The following TEAD1 variants were observed in gnomAD, a reference collection of about 807,000 sequenced individuals.
The protein encoded by TEAD1 is TEA domain transcription factor 1.
In TEAD1, 9 loss-of-function variants were observed where a neutral mutation model predicts 54.9. The observed-to-expected ratio is 0.16, with a 90% confidence interval of 0.10 to 0.29. The LOEUF (loss-of-function observed/expected upper bound fraction) is 0.29, where lower values mean the gene tolerates loss of function less well. TEAD1 is among the 10% of genes least tolerant of loss of function. TEAD1 has a pLI of 1.00. For synonymous variants in TEAD1, 200 were observed against 187.8 expected, an observed-to-expected ratio of 1.07 and a Z score of -0.53; for missense variants, 387 against 535.9, an observed-to-expected ratio of 0.72 and a Z score of 2.74.
Position 12,864,908 on chromosome 11 carries a change from C to T in TEAD1, c.330+8C>T. On this transcript the variant is annotated splice_region_variant and intron_variant, in intron 5 of 12. Coordinates refer to ENST00000527636, the MANE Select transcript of TEAD1 (RefSeq NM_021961.6). The stretch of plus-strand genomic sequence containing the variant: ...TTTCATTCCAAGCTAAAGGTATGCG[C>T]TTTTCTGCTTTTTGGCTTGTGGTTG... 6.2e-7 allele frequency: 1 copy of T among 1,614,100 alleles called. No homozygotes were observed. The highest frequency in any genetic ancestry group is 8.5e-7 in the Non-Finnish European group (1 of 1,180,020).
intron 9 of TEAD1, among the ~76,000 whole-genome samples, chr11:12,892,318 G>A (rs1948212890): frequency 6.6e-6 from 1 of 152,024 alleles, no homozygotes; most frequent in African/African-American, 2.4e-5. Context: ...GCTGTGCATG[G>A]GGGATTAGGT....
At chr11:12,887,346 C>T (rs1173297394) in intron 9 of TEAD1, among the ~76,000 whole-genome samples, 8 of 152,014 alleles carry the variant, frequency 5.3e-5, no homozygotes, top group African/African-American at 1.2e-4. Context: ...CTGCCCGCCT[C>T]GGCCTCCCAA....
At chr11:12,687,566 G>A (rs906311129) in intron 2 of TEAD1, among the ~76,000 whole-genome samples, 10 of 152,154 alleles carry the variant, frequency 6.6e-5, no homozygotes, top group African/African-American at 1.4e-4. Flanking sequence ...TCACCTATCC[G>A]GTTTTCTTGT....
At chr11:12,692,982 A>C (rs901668813) in intron 2 of TEAD1, among the ~76,000 whole-genome samples, 1 of 151,788 alleles carries the variant, frequency 6.6e-6, no homozygotes, top group Admixed American at 6.6e-5. Context: ...GTTGAAACCC[A>C]TAAAGGCTTT....
intron 8 of TEAD1, among the ~76,000 whole-genome samples, 188 bp from the exon 9 acceptor site, chr11:12,882,813 A>G (rs555033899): frequency 1.3e-5 from 2 of 152,284 alleles, no homozygotes; most frequent in East Asian, 3.9e-4. Flanking sequence ...CTTTGTGCTT[A>G]TTTGACTGTT....
intron 9 of TEAD1, among the ~76,000 whole-genome samples, chr11:12,885,469 C>G (rs1453618901): frequency 6.6e-6 from 1 of 152,024 alleles, no homozygotes; most frequent in African/African-American, 2.4e-5. Context: ...GATCTCCTGA[C>G]CTTGTGATCT....
intron 3 of TEAD1, among the ~76,000 whole-genome samples, chr11:12,802,617 C>G (rs541103576): frequency 3.9e-5 from 6 of 152,248 alleles, no homozygotes; most frequent in African/African-American, 1.4e-4. Flanking sequence ...TGCTTCCTTC[C>G]CTGAGAGGTT....
intron 3 of TEAD1, among the ~76,000 whole-genome samples, chr11:12,844,959 C>CTTTTTTTTTTTTTTTTTT (rs3046338): frequency 1.5e-5 from 1 of 64,658 alleles, no homozygotes; most frequent in African/African-American, 6.4e-5. Context: ...TGTATGAAAT[C>CTTTTTTTTTTTTTTTTTT]TTTTTTTTTT....
rs1362192199 is a variant in TEAD1 at position 12,782,871 on chromosome 11, G to A, written c.202+18437G>A. Among the ~76,000 whole-genome samples, 3 of 152,292 alleles carry A rather than the reference G, an allele frequency of 2.0e-5. No individual in the cohort carries two copies. The East Asian group carries it at 5.8e-4, about 29-fold the overall frequency. The stretch of plus-strand genomic sequence containing the variant: ...AATCTGTGGCAGCCGTATGGTAGGA[G>A]CTGAGTGCTGCTTTTGGAGAAGGTG... On this transcript the variant is annotated intron_variant, in intron 3 of 12. Coordinates refer to ENST00000527636, the MANE Select transcript of TEAD1 (RefSeq NM_021961.6).
intron 2 of TEAD1, among the ~76,000 whole-genome samples, chr11:12,702,291 C>T (rs1308764799): frequency 6.6e-6 from 1 of 152,136 alleles, no homozygotes; most frequent in Non-Finnish European, 1.5e-5. Context: ...GAAATTGACC[C>T]TGCGTGTTAC....
At chr11:12,868,055 A>G (rs1947660112) in intron 5 of TEAD1, among the ~76,000 whole-genome samples, 1 of 152,304 alleles carries the variant, frequency 6.6e-6, no homozygotes, top group East Asian at 1.9e-4. Context: ...GACCGAAACC[A>G]GACTTGCATT....
chr11:12,893,131 C>T (rs531171969), intron 9 of TEAD1, among the ~76,000 whole-genome samples: 1 of 152,354 alleles, frequency 6.6e-6, no homozygotes, highest in South Asian at 2.1e-4. Flanking sequence ...CCATCTCATG[C>T]TTCGGAATAA....
chr11:12,852,648 A>G (rs144458873), intron 3 of TEAD1, among the ~76,000 whole-genome samples: 400 of 152,150 alleles, frequency 2.6e-3, no homozygotes, highest in African/African-American at 9.2e-3. Context: ...GGGTTTCACC[A>G]TGTTGGCCAG....
At chr11:12,876,797 A>G (rs544884371) in intron 5 of TEAD1, among the ~76,000 whole-genome samples, 3 of 152,202 alleles carry the variant, frequency 2.0e-5, no homozygotes, top group East Asian at 3.9e-4. Context: ...AAACCAATGG[A>G]TTCGTATTGA....
intron 3 of TEAD1, among the ~76,000 whole-genome samples, chr11:12,832,093 C>G (rs1032830823): frequency 2.0e-5 from 3 of 152,210 alleles, no homozygotes. Context: ...ACTGTCCCCC[C>G]ACCCCCAACC....
intron 3 of TEAD1, among the ~76,000 whole-genome samples, chr11:12,817,433 T>G (rs1356706962): frequency 6.6e-6 from 1 of 152,150 alleles, no homozygotes; most frequent in Non-Finnish European, 1.5e-5. Flanking sequence ...GTACCCTATT[T>G]TAATTATTTT....
At chr11:12,748,712 C>G (rs1000129228) in intron 2 of TEAD1, among the ~76,000 whole-genome samples, 2 of 152,040 alleles carry the variant, frequency 1.3e-5, no homozygotes, top group Non-Finnish European at 2.9e-5. Context: ...TATAACCAGG[C>G]TTGGGGACTA....
At chr11:12,920,540 G>A (rs759365665) in intron 10 of TEAD1, among the ~76,000 whole-genome samples, 8 of 151,984 alleles carry the variant, frequency 5.3e-5, no homozygotes, top group African/African-American at 1.9e-4. Context: ...GTCTTGCTAC[G>A]TTGCCTAGGC....
At chr11:12,883,366 G>A (rs1171809800) in intron 9 of TEAD1, among the ~76,000 whole-genome samples, 1 of 152,170 alleles carries the variant, frequency 6.6e-6, no homozygotes, top group Non-Finnish European at 1.5e-5. Context: ...GTGCTGTGGG[G>A]AATACTTGAG....
Sources: gnomAD v4.1 joint callset for allele counts (sites outside exome capture counted in the v4.1 genomes callset) on GRCh38, gnomAD v4.1.1 for gene constraint, MANE v1.5 for transcripts, NCBI Gene and HGNC (gene_info 2026-07-23, HGNC 2026-07-21) for gene names.